INTS4: variants seen among roughly 807,000 people sequenced by gnomAD.
INTS4 encodes integrator complex subunit 4, also known as MSTP093.
A neutral mutation model predicts 119.5 loss-of-function variants in INTS4; 70 were observed. That is an observed-to-expected ratio of 0.59 (90% CI 0.48 to 0.71). The LOEUF is 0.71. INTS4 is among the 30% of genes least tolerant of loss of function. INTS4 has a pLI of 0.00. For missense variants in INTS4, 867 were observed against 1,173.2 expected, an observed-to-expected ratio of 0.74 and a Z score of 3.81; for synonymous variants, 316 against 419.6, an observed-to-expected ratio of 0.75 and a Z score of 3.02.
rs571617997 is a variant in INTS4 at position 77,918,240 on chromosome 11, T to C, written c.1922+581A>G. The C allele has an allele frequency of 4.3e-5, 27 of 624,326 alleles. No homozygotes were observed. The African/African-American group carries it at 4.6e-4, about 11-fold the overall frequency. 38.7% of individuals were successfully genotyped at this position (624,326 alleles called of 1,614,324 possible). A position where few individuals can be genotyped will look rare whatever the true frequency, so the allele number is the denominator to read the frequency against. The stretch of plus-strand genomic sequence containing the variant: ...TGAGCTCAGGAGTTTGAGACCAGCC[T>C]GGCCACCATGGTGAAACCTCGACTC... On this transcript the variant is annotated intron_variant, in intron 15 of 22. Coordinates refer to ENST00000534064, the MANE Select transcript of INTS4 (RefSeq NM_033547.4).
chr11:77,972,258 G>A (rs186511276), intron 4 of INTS4, among the ~76,000 whole-genome samples: 6 of 151,880 alleles, frequency 4.0e-5, no homozygotes, highest in South Asian at 2.1e-4. Context: ...ACCACCATTC[G>A]TGGCTAGTTT....
chr11:77,938,740 G>A lies in INTS4; in HGVS notation c.1076C>T (p.Pro359Leu), dbSNP rs1181533784. ...AGCCCCGGTATCTACTTCTTCCTTG[G>A]GAGCATCATCTCCCCACTTTCTGCC... is the stretch of plus-strand genomic sequence containing the variant. ...SSGRKWGDDA[P>L]KEEVDTGAVN... The change falls in exon 10 of 23, where the codon CCC becomes CTC. Residue 359 changes from proline to leucine, a missense_variant. Physicochemically the swap from Pro to Leu is moderately conservative, Grantham distance 98. This residue lies in a region of INTS4 where 208 missense variants were observed against 306.6 expected (regional missense o/e 0.68). Transcript: ENST00000534064. 4 of 1,611,890 alleles carry A rather than the reference G, an allele frequency of 2.5e-6. No individual in the cohort carries two copies. Among genetic ancestry groups the A allele is most frequent in the Non-Finnish European group, 3.4e-6 (4 of 1,179,844 alleles).
At chr11:77,881,427 C>T (rs1160787835) in intron 22 of INTS4, among the ~76,000 whole-genome samples, 7 of 152,154 alleles carry the variant, frequency 4.6e-5, no homozygotes, top group African/African-American at 1.7e-4. Flanking sequence ...ACTGCAAGCT[C>T]ATTTACAATG....
chr11:77,955,496 CTTT>C (rs796295814), intron 8 of INTS4, among the ~76,000 whole-genome samples: 5 of 135,486 alleles, frequency 3.7e-5, no homozygotes, highest in Admixed American at 7.5e-5. Flanking sequence ...TAATCCCAGC[CTTT>C]TTTTTTTTTT....
At chr11:77,886,261 C>T (rs1161159084) in intron 21 of INTS4, among the ~76,000 whole-genome samples, 4 of 152,106 alleles carry the variant, frequency 2.6e-5, no homozygotes, top group Admixed American at 6.6e-5. Context: ...TGGTGAAAGG[C>T]CTTCACTCCT....
chr11:77,982,382 C>T (rs1265601998), intron 2 of INTS4, among the ~76,000 whole-genome samples: 1 of 152,076 alleles, frequency 6.6e-6, no homozygotes, highest in East Asian at 1.9e-4. Context: ...AAGCAATCCT[C>T]CTGCCTTGGC....
rs1456393600 is a variant in INTS4, at chr11:77,901,475, A to C, written c.2174T>G (p.Met725Arg). ...ENKQVVIIHH[M>R]RLQAKALQLI... Reference sequence around the variant, plus strand: ...TTGCAAAGCTTTGGCCTGCAGCCTCATGTGATGTATAATCACCACCTGCTT... The same window carrying C: ...TTGCAAAGCTTTGGCCTGCAGCCTCCTGTGATGTATAATCACCACCTGCTT... Residue 725 changes from methionine (M) to arginine (R), a missense_variant, in exon 18 of 23, where the codon ATG becomes AGG. By Grantham distance (91) the Met-to-Arg change is moderately conservative (BLOSUM62 -1). Coordinates refer to ENST00000534064, the MANE Select transcript of INTS4 (RefSeq NM_033547.4). The C allele has an allele frequency of 6.2e-7, 1 of 1,613,830 alleles. No homozygotes were observed. The highest frequency in any genetic ancestry group is 8.5e-7 in the Non-Finnish European group (1 of 1,179,828).
At chr11:77,970,691 T>C (rs2136614929) in intron 4 of INTS4, among the ~76,000 whole-genome samples, 1 of 151,666 alleles carries the variant, frequency 6.6e-6, no homozygotes, top group Non-Finnish European at 1.5e-5. Flanking sequence ...TAGCCAGGCA[T>C]GGTGGCATGC....
chr11:77,935,903 A>AAAAAAAGAAAAGAAAG (rs71046927), intron 10 of INTS4, among the ~76,000 whole-genome samples: 3 of 86,990 alleles, frequency 3.4e-5, no homozygotes, highest in Admixed American at 2.6e-4. Flanking sequence ...CTCAAAAAAA[A>AAAAAAAGAAAAGAAAG]AAAAAAGAAA....
intron 13 of INTS4, among the ~76,000 whole-genome samples, chr11:77,922,123 G>C (rs1414863256): frequency 6.6e-6 from 1 of 151,680 alleles, no homozygotes; most frequent in Non-Finnish European, 1.5e-5. Flanking sequence ...AGCTACTCAG[G>C]AGACTGAGGC....
intron 8 of INTS4, among the ~76,000 whole-genome samples, chr11:77,950,215 C>G (rs1166465253): frequency 2.0e-5 from 3 of 151,510 alleles, no homozygotes; most frequent in Non-Finnish European, 4.4e-5. Flanking sequence ...CAGGGACTGT[C>G]AGAGGGTGGG....
At chr11:77,892,652 G>A (rs185092183) in intron 19 of INTS4, among the ~76,000 whole-genome samples, 57 of 152,070 alleles carry the variant, frequency 3.7e-4, no homozygotes, top group Non-Finnish European at 7.6e-4. Flanking sequence ...GCGTGATCTC[G>A]GCTCACTGGA....
chr11:77,882,827 T>A (rs182775970), intron 22 of INTS4, among the ~76,000 whole-genome samples: 6 of 152,240 alleles, frequency 3.9e-5, no homozygotes, highest in Admixed American at 2.0e-4. Context: ...TCCCACTACT[T>A]TGGGAGGCCA....
downstream of INTS4, among the ~76,000 whole-genome samples, chr11:77,875,954 G>A (rs1392997227): frequency 6.6e-6 from 1 of 152,160 alleles, no homozygotes; most frequent in Non-Finnish European, 1.5e-5. Flanking sequence ...GCCATGAAGA[G>A]CCTTCAAGAC....
intron 16 of INTS4, among the ~76,000 whole-genome samples, chr11:77,906,239 G>A (rs1198881964): frequency 6.6e-6 from 1 of 152,068 alleles, no homozygotes; most frequent in African/African-American, 2.4e-5. Context: ...ATTTTGTCAT[G>A]TTGTTGTATA....
At chr11:77,963,352 CAAA>C (rs777966254) in intron 4 of INTS4, 229 of 176,974 alleles carry the variant, frequency 1.3e-3, no homozygotes, top group East Asian at 2.3e-3. Context: ...GACTCCGTCT[CAAA>C]AAAAAAAAAA....
intron 21 of INTS4, among the ~76,000 whole-genome samples, chr11:77,885,540 C>T (rs1253785651): frequency 4.0e-5 from 6 of 151,830 alleles, no homozygotes; most frequent in Admixed American, 3.3e-4. Flanking sequence ...AGGGGAGGGC[C>T]GGGCACAGTG....
chr11:77,901,336 C>G, intron 18 of INTS4, 85 bp downstream of exon 18: 4 of 1,372,032 alleles, frequency 2.9e-6, no homozygotes, highest in Non-Finnish European at 4.1e-6. Context: ...TTTCACTTAT[C>G]ATTAACTTTC....
intron 8 of INTS4, among the ~76,000 whole-genome samples, chr11:77,953,171 C>A (rs1366198142): frequency 6.6e-6 from 1 of 152,194 alleles, no homozygotes; most frequent in Non-Finnish European, 1.5e-5. Flanking sequence ...AAAGCTATCA[C>A]CGGATCAGTG....
Sources: allele counts gnomAD v4.1 joint callset (sites outside exome capture counted in the v4.1 genomes callset), GRCh38; gene constraint gnomAD v4.1.1; regional missense constraint gnomAD v4.1.1; transcripts MANE v1.5; gene names NCBI Gene and HGNC (gene_info 2026-07-23, HGNC 2026-07-21).